Variants in FAM81B observed in about 807,000 individuals in gnomAD.
FAM81B encodes protein FAM81B.
Under a neutral mutation model 58.7 loss-of-function variants are expected in FAM81B, and 60 were observed. The ratio of observed to expected loss-of-function variants is 1.02; its 90% CI spans 0.83 to 1.27. FAM81B has a LOEUF of 1.27. FAM81B is among the 50% of genes most tolerant of loss of function. The pLI, the probability that FAM81B is intolerant of heterozygous loss-of-function variation, is 0.00. For missense variants in FAM81B, 491 were observed against 522.0 expected, an observed-to-expected ratio of 0.94 and a Z score of 0.58; for synonymous variants, 189 against 179.6, an observed-to-expected ratio of 1.05 and a Z score of -0.42.
intron 5 of FAM81B, among the ~76,000 whole-genome samples, chr5:95,427,048 C>CA (rs944155637): frequency 4.8e-5 from 7 of 146,596 alleles, no homozygotes; most frequent in African/African-American, 1.3e-4. Context: ...GACTCCGTCT[C>CA]AAAAAAAAGA....
intron 3 of FAM81B, among the ~76,000 whole-genome samples, chr5:95,408,600 CT>C (rs1204900216): frequency 2.0e-4 from 31 of 152,226 alleles, no homozygotes; most frequent in Non-Finnish European, 4.4e-5. Context: ...GAACTTCAGA[CT>C]GCTTAGGCTT....
chr5:95,412,055 C>T lies in FAM81B; in HGVS notation c.294-1892C>T, dbSNP rs571054346. ...TTTGAAAAAGTATATTACAGGGATA[C>T]ATTATGGGCAATTGCCTGGAGGTAG... On this transcript the variant is annotated intron_variant, in intron 3 of 9. Transcript: ENST00000283357. Among the ~76,000 whole-genome samples, 7 of 152,070 alleles carry T rather than the reference C, an allele frequency of 4.6e-5. No homozygotes were observed. In the South Asian group the frequency reaches 1.5e-3, roughly 32 times the overall value.
chr5:95,404,639 C>T (rs1449688787), intron 3 of FAM81B, among the ~76,000 whole-genome samples: 3 of 152,030 alleles, frequency 2.0e-5, no homozygotes, highest in Non-Finnish European at 4.4e-5. Context: ...TTTCCAACAA[C>T]TGAGCCTTAA....
In FAM81B at chr5:95,440,315, T is replaced by C. The variant is rs1199058493; in HGVS notation, c.893+3409T>C. On this transcript the variant is annotated intron_variant, in intron 7 of 9. Coordinates refer to ENST00000283357, the MANE Select transcript of FAM81B (RefSeq NM_152548.3). ...AAACTGCTGACAATGCAACTAAAAA[T>C]GCAGAACCATTGATCAATTTGGATG... 11 of 984,440 alleles carry C rather than the reference T, an allele frequency of 1.1e-5. No homozygotes were observed. The East Asian group carries it at 3.0e-4, about 27-fold the overall frequency. 61.0% of individuals were successfully genotyped at this position (984,440 alleles called of 1,614,324 possible). A position where few individuals can be genotyped will look rare whatever the true frequency, so the allele number is the denominator to read the frequency against.
At chr5:95,413,688 A>G (rs557865446) in intron 3 of FAM81B, among the ~76,000 whole-genome samples, 5 of 152,316 alleles carry the variant, frequency 3.3e-5, no homozygotes, top group Non-Finnish European at 7.3e-5. Flanking sequence ...CAGTCTTGGA[A>G]GAAGGCTTCT....
In FAM81B at chr5:95,441,524, G is replaced by A. The variant is rs757630991; in HGVS notation, c.893+4618G>A. On this transcript the variant is annotated intron_variant, in intron 7 of 9. Transcript: ENST00000283357. Reference sequence around the variant, plus strand: ...GTGGAGGTTGCAGTGAGCAGAGATCGTGCCACTCTCCTCCAGCCTGGCGAC... The same window carrying A: ...GTGGAGGTTGCAGTGAGCAGAGATCATGCCACTCTCCTCCAGCCTGGCGAC... Among the ~76,000 whole-genome samples the A allele has an allele frequency of 1.3e-5, 2 of 151,806 alleles. 1 individual carries two copies. Among genetic ancestry groups the A allele is most frequent in the African/African-American group, 4.8e-5 (2 of 41,280 alleles).
chr5:95,420,534 G>T, intron 5 of FAM81B, 132 bp downstream of exon 5: 1 of 1,297,072 alleles, frequency 7.7e-7, no homozygotes, highest in Admixed American at 2.2e-5. Context: ...GATGGCATTT[G>T]AGAAAGTGTA....
intron 8 of FAM81B, among the ~76,000 whole-genome samples, chr5:95,447,131 A>G (rs1745606491): frequency 6.6e-6 from 1 of 152,064 alleles, no homozygotes; most frequent in South Asian, 2.1e-4. Flanking sequence ...AGATCAGACC[A>G]TGTAAAGACA....
At chr5:95,409,269 G>T (rs954399144) in intron 3 of FAM81B, among the ~76,000 whole-genome samples, 2 of 151,912 alleles carry the variant, frequency 1.3e-5, no homozygotes, top group Non-Finnish European at 2.9e-5. Context: ...AGTGATTCTT[G>T]TGCCTCTGCC....
In FAM81B at chr5:95,446,551, T is replaced by C; in HGVS notation, c.894-11T>C. 1 of 1,562,360 alleles carries C rather than the reference T, an allele frequency of 6.4e-7. No homozygotes were observed. Among genetic ancestry groups the C allele is most frequent in the Non-Finnish European group, 8.6e-7 (1 of 1,160,202 alleles). The stretch of plus-strand genomic sequence containing the variant: ...ACTTATTTAAATGAAACAAAACATT[T>C]TTTCCCATAGATTTCATTCACTTTC... On this transcript the variant is annotated splice_polypyrimidine_tract_variant and intron_variant, in intron 7 of 9. Coordinates refer to ENST00000283357, the MANE Select transcript of FAM81B (RefSeq NM_152548.3).
chr5:95,435,157 C>T (rs929361952), intron 6 of FAM81B, among the ~76,000 whole-genome samples: 3 of 152,308 alleles, frequency 2.0e-5, no homozygotes, highest in Admixed American at 2.0e-4. Flanking sequence ...TCTGGACACT[C>T]GTGATGGATT....
At chr5:95,392,675 G>A in intron 1 of FAM81B, 119 bp from the exon 2 acceptor site, 1 of 736,792 alleles carries the variant, frequency 1.4e-6, no homozygotes, top group East Asian at 2.9e-5. Context: ...CAAATTGAAA[G>A]CCTCCCTTTA....
At chr5:95,442,184 G>A (rs754207312) in intron 7 of FAM81B, among the ~76,000 whole-genome samples, 26 of 152,102 alleles carry the variant, frequency 1.7e-4, no homozygotes, top group Non-Finnish European at 3.4e-4. Context: ...AACGATTTTT[G>A]AGCACCTATA....
At chr5:95,434,785 G>C (rs1420803937) in intron 6 of FAM81B, among the ~76,000 whole-genome samples, 1 of 152,074 alleles carries the variant, frequency 6.6e-6, no homozygotes, top group Non-Finnish European at 1.5e-5. Flanking sequence ...ATTTACCTCT[G>C]ATTATATATT....
rs754371554 is a variant in FAM81B at position 95,420,242 on chromosome 5, G to A, written c.538-42G>A. 3 of 1,610,506 alleles carry A rather than the reference G, an allele frequency of 1.9e-6. No homozygotes were observed. In the African/African-American group the frequency reaches 4.0e-5, roughly 22 times the overall value. ...GCTTTAAATGATGTTTCCTTATCATGTGTGATGGGAAATTAATGGGAAATT... is the reference window on the plus strand; with the variant it reads ...GCTTTAAATGATGTTTCCTTATCATATGTGATGGGAAATTAATGGGAAATT... On this transcript the variant is annotated intron_variant, in intron 4 of 9. Transcript: ENST00000283357.
At chr5:95,441,292 C>T (rs1246814235) in intron 7 of FAM81B, among the ~76,000 whole-genome samples, 1 of 152,068 alleles carries the variant, frequency 6.6e-6, no homozygotes, top group Non-Finnish European at 1.5e-5. Context: ...TGCATCTGGC[C>T]GGGCGCGATG....
At chr5:95,423,671 A>G (rs1331180111) in intron 5 of FAM81B, among the ~76,000 whole-genome samples, 1 of 152,206 alleles carries the variant, frequency 6.6e-6, no homozygotes, top group African/African-American at 2.4e-5. Flanking sequence ...GCAGAATAAA[A>G]ACCTCTTATT....
intron 3 of FAM81B, among the ~76,000 whole-genome samples, chr5:95,400,763 A>T (rs1242084042): frequency 6.6e-6 from 1 of 152,070 alleles, no homozygotes; most frequent in East Asian, 1.9e-4. Context: ...GCCAGGTGGG[A>T]GGGTCAGGAG....
chr5:95,410,853 G>A (rs956788515), intron 3 of FAM81B: 9 of 152,240 alleles, frequency 5.9e-5, no homozygotes, highest in African/African-American at 2.2e-4. Flanking sequence ...GTGACCTAGA[G>A]CTAATCCTGG....
Sources: allele counts gnomAD v4.1 joint callset (sites outside exome capture counted in the v4.1 genomes callset), GRCh38; gene constraint gnomAD v4.1.1; transcripts MANE v1.5; gene names NCBI Gene and HGNC (gene_info 2026-07-23, HGNC 2026-07-21).